NUBP1: variants seen among roughly 807,000 people sequenced by gnomAD.
NUBP1 encodes the protein NUBP iron-sulfur cluster assembly factor 1, cytosolic, also known as cytosolic Fe-S cluster assembly factor NUBP1.
Under a neutral mutation model 41.8 loss-of-function variants are expected in NUBP1, and 46 were observed. That is an observed-to-expected ratio of 1.10 (90% CI 0.87 to 1.41). The LOEUF is 1.41. Among genes scored for constraint, NUBP1 ranks in the 40% most tolerant of loss-of-function variants. The pLI, the probability that NUBP1 is intolerant of heterozygous loss-of-function variation, is 0.00. For missense variants in NUBP1, 494 were observed against 414.0 expected, an observed-to-expected ratio of 1.19 and a Z score of -1.68; for synonymous variants, 189 against 154.6, an observed-to-expected ratio of 1.22 and a Z score of -1.65.
chr16:10,767,078 C>G lies in NUBP1; in HGVS notation c.821-871C>G. The G allele has an allele frequency of 2.5e-6, 1 of 398,750 alleles. No homozygotes were observed. The highest frequency in any genetic ancestry group is 3.6e-5 in the East Asian group (1 of 28,084). The allele number at this position is 398,750 out of a possible 1,614,324, so 24.7% of individuals were successfully genotyped here. Reference sequence around the variant, plus strand: ...AAATGATGAGTGCTAGGTAGGAACCCCTCCTGGGGTTCACCTGAGGCTGGT... The same window carrying G: ...AAATGATGAGTGCTAGGTAGGAACCGCTCCTGGGGTTCACCTGAGGCTGGT... On this transcript the variant is annotated intron_variant, in intron 9 of 10. Coordinates refer to ENST00000283027, the MANE Select transcript of NUBP1 (RefSeq NM_002484.4). The surrounding 1 kb of genome is among the most constrained non-coding windows in gnomAD (Gnocchi z 4.6).
At position 10,765,558 on chromosome 16, in the gene NUBP1, C is replaced by T. The variant is rs182470652; in HGVS notation, c.821-2391C>T. ...TTGCTGACCCACCCAAATATGTCCA[C>T]GGGCCCAGCCACAGGCCTGCCCTTG... On this transcript the variant is annotated intron_variant, in intron 9 of 10. Transcript: ENST00000283027. The surrounding 1 kb of genome is among the most constrained non-coding windows in gnomAD (Gnocchi z 4.0). 5.3e-5 allele frequency among the ~76,000 whole-genome samples: 8 copies of T among 152,194 alleles called. No individual in the cohort carries two copies. Among genetic ancestry groups the T allele is most frequent in the Admixed American group, 4.6e-4 (7 of 15,278 alleles).
At chr16:10,758,764 A>G (rs1900744541) in intron 7 of NUBP1, among the ~76,000 whole-genome samples, 1 of 152,214 alleles carries the variant, frequency 6.6e-6, no homozygotes, top group Non-Finnish European at 1.5e-5. Context: ...CAACAGAACC[A>G]GCTGGGTGCA....
Position 10,759,358 on chromosome 16 carries a change from G to A in NUBP1, c.606+1331G>A, listed in dbSNP as rs532124460. On this transcript the variant is annotated intron_variant, in intron 7 of 10. Transcript: ENST00000283027. This position sits in a 1 kb window ranked among gnomAD's most constrained non-coding sequence, Gnocchi z 4.7. ...GCATCCTGCAGAGAGGGGACATGGG[G>A]ACGCAAGGAGGAGCAGGACACCAGC... is the stretch of plus-strand genomic sequence containing the variant. 2.0e-5 allele frequency among the ~76,000 whole-genome samples: 3 copies of A among 152,360 alleles called. No individual in the cohort carries two copies. The South Asian group carries it at 6.2e-4, about 32-fold the overall frequency.
intron 4 of NUBP1, among the ~76,000 whole-genome samples, chr16:10,753,064 G>C (rs1225843727): frequency 1.3e-5 from 2 of 152,186 alleles, no homozygotes; most frequent in Non-Finnish European, 2.9e-5. Flanking sequence ...AAAGTGCTAG[G>C]ATTACAGGCG....
chr16:10,760,011 G>C (rs2697655), intron 7 of NUBP1, among the ~76,000 whole-genome samples: 21 of 152,298 alleles, frequency 1.4e-4, no homozygotes, highest in Non-Finnish European at 2.6e-4. Flanking sequence ...AGGGATCTGT[G>C]ATAACATTAA....
intron 3 of NUBP1, among the ~76,000 whole-genome samples, chr16:10,751,208 T>C (rs1423295502): frequency 6.6e-6 from 1 of 152,108 alleles, no homozygotes; most frequent in Non-Finnish European, 1.5e-5. Flanking sequence ...ATTGATTAAA[T>C]TGTTCCCTAA....
chr16:10,749,841 G>A lies in NUBP1; in HGVS notation c.258+2565G>A, dbSNP rs867830761. Among the ~76,000 whole-genome samples the A allele has an allele frequency of 6.6e-6, 1 of 152,200 alleles. No homozygotes were observed. Among genetic ancestry groups the A allele is most frequent in the African/African-American group, 2.4e-5 (1 of 41,456 alleles). ...ACAAAGGGCCTTGGATCAAGAGAGAGCAGAATTAGAAAACACCCCTGACGA... is the reference window on the plus strand; with the variant it reads ...ACAAAGGGCCTTGGATCAAGAGAGAACAGAATTAGAAAACACCCCTGACGA... On this transcript the variant is annotated intron_variant, in intron 3 of 10. Coordinates refer to ENST00000283027, the MANE Select transcript of NUBP1 (RefSeq NM_002484.4). This position sits in a 1 kb window ranked among gnomAD's most constrained non-coding sequence, Gnocchi z 4.1.
At chr16:10,761,896 C>T (rs746308132) in intron 9 of NUBP1, 37 bp downstream of exon 9, 24 of 1,513,962 alleles carry the variant, frequency 1.6e-5, no homozygotes, top group South Asian at 2.3e-5. Context: ...CCTCACTCCT[C>T]GGTCAGCCCC....
chr16:10,754,059 C>T (rs1057169971), intron 4 of NUBP1, among the ~76,000 whole-genome samples: 2 of 151,944 alleles, frequency 1.3e-5, no homozygotes, highest in Non-Finnish European at 2.9e-5. Context: ...TGTCATCACA[C>T]GTAATTATTT....
intron 4 of NUBP1, among the ~76,000 whole-genome samples, chr16:10,754,969 T>C (rs1900486811): frequency 6.6e-6 from 1 of 152,058 alleles, no homozygotes; most frequent in Non-Finnish European, 1.5e-5. Context: ...CACTTGAACC[T>C]GGGAGGTGGA....
chr16:10,764,160 A>AGGAGTATCTCAGCCCACG (rs1383935962), intron 9 of NUBP1, among the ~76,000 whole-genome samples: 1 of 150,634 alleles, frequency 6.6e-6, no homozygotes, highest in African/African-American at 2.5e-5. Context: ...CTCAGCCCAC[A>AGGAGTATCTCAGCCCACG]GGAGTATCTC....
At chr16:10,763,608 GC>G (rs1459193952) in intron 9 of NUBP1, 1 of 152,348 alleles carries the variant, frequency 6.6e-6, no homozygotes, top group East Asian at 1.9e-4. Context: ...GCCCTCTGAG[GC>G]CCCTGGAGGC....
At chr16:10,752,244 G>T (rs907633431) in intron 3 of NUBP1, among the ~76,000 whole-genome samples, 7 of 152,160 alleles carry the variant, frequency 4.6e-5, no homozygotes, top group African/African-American at 1.7e-4. Context: ...GCCGTCTCTT[G>T]GCTGTTCCAT....
intron 2 of NUBP1, among the ~76,000 whole-genome samples, chr16:10,745,077 G>C (rs993572721): frequency 4.0e-5 from 6 of 151,852 alleles, no homozygotes; most frequent in African/African-American, 1.5e-4. Flanking sequence ...AATCTTGAAG[G>C]AGTTCAGAGA....
rs2030828384 is a variant in NUBP1, at chr16:10,766,057, AAGGCATGAGG to A, written c.821-1890_821-1881del. On this transcript the variant is annotated intron_variant, in intron 9 of 10. Coordinates refer to ENST00000283027, the MANE Select transcript of NUBP1 (RefSeq NM_002484.4). The surrounding 1 kb of genome is among the most constrained non-coding windows in gnomAD (Gnocchi z 4.8). ...ACCCACCTTCCTAGGAACAGACAGG[AAGGCATGAGG>A]ACAGCACTTCAGTCTCCTCTGGGGA... 6.6e-6 allele frequency: 1 copy of A among 152,382 alleles called. No individual in the cohort carries two copies. The highest frequency in any genetic ancestry group is 1.5e-5 in the Non-Finnish European group (1 of 68,144). The allele number at this position is 152,382 out of a possible 1,614,324, so 9.4% of individuals were successfully genotyped here.
rs746995718 is a variant in NUBP1 at position 10,765,454 on chromosome 16, G to C, written c.821-2495G>C. ...CCCAGGGAGGTTGAGGTTGCAGTGA[G>C]CCATGATCACACCACTGCACTCCAG... On this transcript the variant is annotated intron_variant, in intron 9 of 10. Coordinates refer to ENST00000283027, the MANE Select transcript of NUBP1 (RefSeq NM_002484.4). This position sits in a 1 kb window ranked among gnomAD's most constrained non-coding sequence, Gnocchi z 4.0. 6.6e-5 allele frequency among the ~76,000 whole-genome samples: 10 copies of C among 151,986 alleles called. No individual in the cohort carries two copies. The highest frequency in any genetic ancestry group is 7.4e-5 in the Non-Finnish European group (5 of 68,010).
chr16:10,763,184 G>A (rs191064029), intron 9 of NUBP1, among the ~76,000 whole-genome samples: 159 of 152,196 alleles, frequency 1.0e-3, no homozygotes, highest in Middle Eastern at 3.4e-3. Flanking sequence ...TAAGGGGCTC[G>A]GGGGCTCAGG....
At chr16:10,751,881 G>C (rs1191463522) in intron 3 of NUBP1, among the ~76,000 whole-genome samples, 1 of 152,228 alleles carries the variant, frequency 6.6e-6, no homozygotes, top group Non-Finnish European at 1.5e-5. Context: ...ACTGGAAAGA[G>C]CCCCAGTTGG....
intron 7 of NUBP1, 151 bp from the exon 8 acceptor site, chr16:10,761,213 G>C (rs1230341300): frequency 3.3e-6 from 2 of 605,972 alleles, no homozygotes; most frequent in Non-Finnish European, 5.8e-6. Flanking sequence ...CTGAGATTTG[G>C]ATGGGGACAC....
Sources: gnomAD v4.1 joint callset for allele counts (sites outside exome capture counted in the v4.1 genomes callset) on GRCh38, gnomAD v4.1.1 for gene constraint, Gnocchi (gnomAD v3.1) non-coding constraint, MANE v1.5 for transcripts, NCBI Gene and HGNC (gene_info 2026-07-23, HGNC 2026-07-21) for gene names.